The following UGP2 variants were observed in gnomAD, a reference collection of about 807,000 sequenced individuals.
UGP2 encodes the protein UDP-glucose pyrophosphorylase 2.
A neutral mutation model predicts 49.0 loss-of-function variants in UGP2; 40 were observed. That is an observed-to-expected ratio of 0.82 (90% confidence interval 0.63 to 1.06). The LOEUF (loss-of-function observed/expected upper bound fraction) is 1.06, where lower values mean the gene tolerates loss of function less well. UGP2 is among the 50% of genes least tolerant of loss of function. The probability of loss-of-function intolerance (pLI) is 0.00; values close to 1 mark genes in which losing one functional copy is unlikely to be tolerated. For synonymous variants in UGP2, 225 were observed against 213.0 expected, an observed-to-expected ratio of 1.06 and a Z score of -0.49; for missense variants, 460 against 603.5, an observed-to-expected ratio of 0.76 and a Z score of 2.49.
At chr2:63,871,123 A>G (rs1427613721) in intron 3 of UGP2, among the ~76,000 whole-genome samples, 1 of 152,168 alleles carries the variant, frequency 6.6e-6, no homozygotes, top group Non-Finnish European at 1.5e-5. Context: ...TATTTTTATT[A>G]TTTGGCAACC....
At chr2:63,856,848 G>C in intron 2 of UGP2, 1 of 456,998 alleles carries the variant, frequency 2.2e-6, no homozygotes, top group Non-Finnish European at 4.4e-6. Flanking sequence ...TTCCAGAACT[G>C]GGAGGCATTT....
intron 2 of UGP2, 78 bp from the exon 3 acceptor site, chr2:63,857,751 G>A: frequency 2.2e-6 from 3 of 1,373,064 alleles, no homozygotes; most frequent in East Asian, 4.6e-5. Context: ...TTTTAAATGT[G>A]TAACTTGTAT....
At chr2:63,887,284 T>C in intron 7 of UGP2, 118 bp from the exon 8 acceptor site, 1 of 1,456,826 alleles carries the variant, frequency 6.9e-7, no homozygotes, top group Non-Finnish European at 9.2e-7. Context: ...AAAAAATTTT[T>C]TTTTTTCCAT....
chr2:63,879,041 T>G (rs1671119594), intron 3 of UGP2, among the ~76,000 whole-genome samples: 1 of 152,136 alleles, frequency 6.6e-6, no homozygotes, highest in African/African-American at 2.4e-5. Flanking sequence ...GTACTTTTTC[T>G]TGATGACTTA....
chr2:63,856,650 T>TG, intron 2 of UGP2: 1 of 569,392 alleles, frequency 1.8e-6, no homozygotes, highest in Non-Finnish European at 3.1e-6. Context: ...GCCTAGGAAG[T>TG]TTTCAAAGTC....
At chr2:63,861,802 A>G (rs1244030864) in intron 3 of UGP2, among the ~76,000 whole-genome samples, 1 of 152,084 alleles carries the variant, frequency 6.6e-6, no homozygotes, top group Admixed American at 6.5e-5. Flanking sequence ...AGGGTAGAGA[A>G]TTGGCATGAA....
intron 3 of UGP2, among the ~76,000 whole-genome samples, chr2:63,864,148 C>T (rs992829522): frequency 6.6e-6 from 1 of 152,142 alleles, no homozygotes; most frequent in Admixed American, 6.5e-5. Context: ...TGGGTACTGA[C>T]ATGTCAGGCT....
chr2:63,853,681 G>A (rs895857920), intron 1 of UGP2, among the ~76,000 whole-genome samples: 1 of 152,098 alleles, frequency 6.6e-6, no homozygotes, highest in Non-Finnish European at 1.5e-5. Flanking sequence ...TCAGGGAAGG[G>A]TATTATGTAT....
intron 1 of UGP2, chr2:63,855,520 G>GTTTTTTTTTTTTTTTTTTTTTTTC (rs372160888): frequency 3.1e-5 from 6 of 194,314 alleles, no homozygotes; most frequent in South Asian, 4.1e-5. Flanking sequence ...TTCTTTTTCT[G>GTTTTTTTTTTTTTTTTTTTTTTTC]TTTTTTTTTT....
chr2:63,876,484 C>T (rs188161016), intron 3 of UGP2, among the ~76,000 whole-genome samples: 4 of 152,306 alleles, frequency 2.6e-5, no homozygotes, highest in African/African-American at 9.6e-5. Flanking sequence ...CGTCTTCATA[C>T]GCTGTTACTT....
At chr2:63,856,634 A>T in intron 2 of UGP2, 1 of 605,328 alleles carries the variant, frequency 1.7e-6, no homozygotes, top group Admixed American at 3.1e-5. Context: ...TCTTTTTTTC[A>T]TTTAAGCCTA....
intron 1 of UGP2, among the ~76,000 whole-genome samples, chr2:63,843,663 C>T (rs1169302648): frequency 4.6e-5 from 7 of 152,170 alleles, no homozygotes; most frequent in African/African-American, 1.4e-4. Flanking sequence ...GTAAGAGTTG[C>T]TGTGTATGTT....
intron 3 of UGP2, among the ~76,000 whole-genome samples, chr2:63,869,517 A>T (rs986848512): frequency 2.6e-5 from 4 of 152,188 alleles, no homozygotes; most frequent in Non-Finnish European, 5.9e-5. Flanking sequence ...AATTGCTATG[A>T]TGCTTTAATA....
intron 3 of UGP2, among the ~76,000 whole-genome samples, chr2:63,870,131 C>A (rs192871729): frequency 0.018 from 2,678 of 152,042 alleles, 34 homozygotes; most frequent in Non-Finnish European, 0.022. Flanking sequence ...ACCATGTTAG[C>A]CAGGATGATC....
intron 3 of UGP2, among the ~76,000 whole-genome samples, chr2:63,879,540 C>T (rs562375536): frequency 6.0e-4 from 92 of 152,232 alleles, no homozygotes; most frequent in African/African-American, 2.1e-3. Flanking sequence ...CAAGATGGGT[C>T]ATACTTTATA....
chr2:63,854,305 G>T (rs532442862), intron 1 of UGP2, among the ~76,000 whole-genome samples: 1 of 152,210 alleles, frequency 6.6e-6, no homozygotes, highest in Non-Finnish European at 1.5e-5. Flanking sequence ...GTCTAAAGGC[G>T]TGGGGAATCA....
intron 1 of UGP2, among the ~76,000 whole-genome samples, chr2:63,848,270 A>G (rs996145843): frequency 1.7e-4 from 26 of 152,206 alleles, no homozygotes; most frequent in Non-Finnish European, 1.3e-4. Context: ...AACTTGGAGT[A>G]ATAGTGTTTG....
intron 3 of UGP2, among the ~76,000 whole-genome samples, chr2:63,877,853 C>T (rs1214141863): frequency 1.3e-5 from 2 of 150,948 alleles, no homozygotes; most frequent in East Asian, 1.9e-4. Flanking sequence ...ATTAGCCGGG[C>T]GCGGTGGCGG....
At chr2:63,847,700 G>C (rs992402619) in intron 1 of UGP2, among the ~76,000 whole-genome samples, 4 of 152,202 alleles carry the variant, frequency 2.6e-5, no homozygotes, top group Admixed American at 1.3e-4. Context: ...TTTGAGCCAG[G>C]ATGAGCCAGG....
Sources: allele counts gnomAD v4.1 joint callset (sites outside exome capture counted in the v4.1 genomes callset), GRCh38; gene constraint gnomAD v4.1.1; transcripts MANE v1.5; gene names NCBI Gene and HGNC (gene_info 2026-07-23, HGNC 2026-07-21).